The following STK33 variants were observed in gnomAD, a reference collection of about 807,000 sequenced individuals.
The protein encoded by STK33 is serine/threonine-protein kinase 33.
STK33 carries 52 observed loss-of-function variants against 58.0 expected under a neutral mutation model. The observed-to-expected ratio is 0.90, with a 90% confidence interval of 0.72 to 1.13. The LOEUF (loss-of-function observed/expected upper bound fraction) is 1.13. Ranked by LOEUF, STK33 falls within the 50% of genes most tolerant of loss-of-function variation. The pLI is 0.00. For synonymous variants in STK33, 215 were observed against 200.1 expected (o/e 1.07, Z -0.63); for missense variants, 630 against 604.2 (o/e 1.04, Z -0.45).
the STK33 span, among the ~76,000 whole-genome samples, chr11:8,342,319 T>C: frequency 6.6e-6 from 1 of 152,214 alleles, no homozygotes; most frequent in Non-Finnish European, 1.5e-5. Context: ...AGCCCTCAAT[T>C]CCTCCTTATG....
At chr11:8,566,781 A>ATT (rs1957472932) in intron 1 of STK33, among the ~76,000 whole-genome samples, 1 of 152,218 alleles carries the variant, frequency 6.6e-6, no homozygotes, top group South Asian at 2.1e-4. Context: ...TTGCCAAGTG[A>ATT]TAGACTGACC....
chr11:8,591,251 T>A (rs1377675927), intron 1 of STK33, among the ~76,000 whole-genome samples: 1 of 152,194 alleles, frequency 6.6e-6, no homozygotes, highest in East Asian at 1.9e-4. Flanking sequence ...CTTTGTATCA[T>A]CCTCTTTTAG....
intron 1 of STK33, among the ~76,000 whole-genome samples, chr11:8,544,213 A>C (rs909186770): frequency 6.6e-6 from 1 of 151,114 alleles, no homozygotes; most frequent in Non-Finnish European, 1.5e-5. Flanking sequence ...TCCTGTGTCC[A>C]TGTGTTCTCA....
In STK33 at chr11:8,592,995, T is replaced by C. The variant is rs2032855669; in HGVS notation, c.-466+1088A>G. 1.3e-5 allele frequency among the ~76,000 whole-genome samples: 2 copies of C among 152,188 alleles called. 1 individual carries two copies. Among genetic ancestry groups the C allele is most frequent in the South Asian group, 4.1e-4 (2 of 4,832 alleles). On this transcript the variant is annotated intron_variant, in intron 1 of 15. Coordinates refer to ENST00000687296, the MANE Select transcript of STK33 (RefSeq NM_001352389.2). Reference sequence around the variant, plus strand: ...GTAATAGTAGCAGAGACAGAGATACTCAAATGGATTTGAGATTTGGTTTGA... The same window carrying C: ...GTAATAGTAGCAGAGACAGAGATACCCAAATGGATTTGAGATTTGGTTTGA...
chr11:8,335,005 T>C, the STK33 span, among the ~76,000 whole-genome samples: 14 of 152,160 alleles, frequency 9.2e-5, no homozygotes, highest in African/African-American at 2.7e-4. Context: ...TGTAGATCTC[T>C]GACAGAGGGA....
At chr11:8,335,912 C>T in the STK33 span, among the ~76,000 whole-genome samples, 26 of 152,220 alleles carry the variant, frequency 1.7e-4, no homozygotes, top group Admixed American at 8.5e-4. Context: ...CGGCTACACG[C>T]GGCTATTGTA....
At chr11:8,462,965 T>A (rs1050031479) in intron 7 of STK33, among the ~76,000 whole-genome samples, 1 of 152,120 alleles carries the variant, frequency 6.6e-6, no homozygotes, top group Non-Finnish European at 1.5e-5. Context: ...TCCACCTGAT[T>A]TGGGAGAGTA....
chr11:8,506,737 C>T (rs763005511), intron 1 of STK33, among the ~76,000 whole-genome samples: 2 of 152,086 alleles, frequency 1.3e-5, no homozygotes, highest in South Asian at 2.1e-4. Context: ...TTTGGGGGGC[C>T]GTTATTCTGC....
chr11:8,484,818 T>C (rs770457449), intron 1 of STK33, among the ~76,000 whole-genome samples: 3 of 152,194 alleles, frequency 2.0e-5, no homozygotes, highest in African/African-American at 4.8e-5. Flanking sequence ...AAAAACAGTG[T>C]GATTAAAATC....
rs777666159 is a variant in STK33, at chr11:8,435,512, T to G, written c.1128A>C (p.Leu376=). The G allele has an allele frequency of 6.7e-7, 1 of 1,485,452 alleles. No homozygotes were observed. Among genetic ancestry groups the G allele is most frequent in the Non-Finnish European group, 9.1e-7 (1 of 1,104,252 alleles). 92.0% of individuals were successfully genotyped at this position (1,485,452 alleles called of 1,614,324 possible). ...PAHRITAKEL[L]DNQWLTGNKL... is the part of the protein sequence containing the mutation. The stretch of plus-strand genomic sequence containing the variant: ...AACTTACTGTTAACCACTGGTTATC[T>G]AGTAGTTCCTTAGCTGTGATTCTGT... Residue 376 remains leucine (L), a synonymous_variant, in exon 14 of 16, where the codon CTA becomes CTC. Coordinates refer to ENST00000687296, the MANE Select transcript of STK33 (RefSeq NM_001352389.2).
At chr11:8,354,474 T>TCTCACACACACA in the STK33 span, among the ~76,000 whole-genome samples, 1 of 124,680 alleles carries the variant, frequency 8.0e-6, no homozygotes, top group Non-Finnish European at 1.6e-5. Context: ...CTGCAAAACC[T>TCTCACACACACA]CACACACACA....
At chr11:8,474,366 A>C (rs1291754259) in intron 5 of STK33, among the ~76,000 whole-genome samples, 1 of 152,220 alleles carries the variant, frequency 6.6e-6, no homozygotes, top group Non-Finnish European at 1.5e-5. Context: ...CAGTTGAAGA[A>C]AATACTCAAA....
intron 1 of STK33, among the ~76,000 whole-genome samples, chr11:8,532,748 A>AC (rs941155749): frequency 6.6e-6 from 1 of 152,232 alleles, no homozygotes; most frequent in Admixed American, 6.5e-5. Flanking sequence ...TGAAAGGGTA[A>AC]CTTGCAGCAT....
chr11:8,534,731 T>A (rs1024192715), intron 1 of STK33, among the ~76,000 whole-genome samples: 1 of 151,978 alleles, frequency 6.6e-6, no homozygotes, highest in Non-Finnish European at 1.5e-5. Flanking sequence ...AATCTGTGGT[T>A]CCAGTGGGCA....
At chr11:8,406,589 T>C (rs941715994) in intron 15 of STK33, among the ~76,000 whole-genome samples, 6 of 152,214 alleles carry the variant, frequency 3.9e-5, no homozygotes, top group African/African-American at 7.2e-5. Flanking sequence ...TTTGCATATA[T>C]TTTGTTAGAT....
chr11:8,374,531 GAC>G, the STK33 span, among the ~76,000 whole-genome samples: 1 of 152,186 alleles, frequency 6.6e-6, no homozygotes, highest in East Asian at 1.9e-4. Flanking sequence ...GAGAGAGAGA[GAC>G]AGAGAGAGAG....
At chr11:8,357,674 C>A in the STK33 span, among the ~76,000 whole-genome samples, 1 of 152,136 alleles carries the variant, frequency 6.6e-6, no homozygotes, top group African/African-American at 2.4e-5. Context: ...TGCCCTCACA[C>A]CCCTCCCCAC....
chr11:8,414,287 T>C (rs1034014009), intron 14 of STK33, among the ~76,000 whole-genome samples: 4 of 152,176 alleles, frequency 2.6e-5, no homozygotes, highest in Non-Finnish European at 4.4e-5. Context: ...CATGCCAAAA[T>C]TGACCATTTT....
chr11:8,444,198 A>G (rs1945117281), intron 11 of STK33, among the ~76,000 whole-genome samples: 2 of 152,168 alleles, frequency 1.3e-5, no homozygotes, highest in Non-Finnish European at 1.5e-5. Flanking sequence ...TGATCTAGAT[A>G]AAATTATTAG....
Sources: allele counts gnomAD v4.1 joint callset (sites outside exome capture counted in the v4.1 genomes callset), GRCh38; gene constraint gnomAD v4.1.1; transcripts MANE v1.5; gene names NCBI Gene and HGNC (gene_info 2026-07-23, HGNC 2026-07-21).